Variants in C4orf51 observed in about 807,000 individuals in gnomAD.
C4orf51 encodes uncharacterized protein C4orf51.
In C4orf51, 25 loss-of-function variants were observed where a neutral mutation model predicts 25.2. The ratio of observed to expected loss-of-function variants is 0.99; its 90% CI spans 0.72 to 1.39. The LOEUF (loss-of-function observed/expected upper bound fraction) is 1.39, where lower values mean the gene tolerates loss of function less well. C4orf51 is among the 40% of genes most tolerant of loss of function. The probability of loss-of-function intolerance (pLI) is 0.00; values close to 1 mark genes in which losing one functional copy is unlikely to be tolerated. For missense variants in C4orf51, 252 were observed against 239.6 expected, an observed-to-expected ratio of 1.05 and a Z score of -0.34; for synonymous variants, 100 against 84.5, an observed-to-expected ratio of 1.18 and a Z score of -1.01.
intron 1 of C4orf51, among the ~76,000 whole-genome samples, chr4:145,751,074 C>A (rs953504758): frequency 2.0e-5 from 3 of 152,046 alleles, no homozygotes; most frequent in African/African-American, 7.2e-5. Context: ...TCTGAGTTTC[C>A]TCAAAACAAC....
intron 3 of C4orf51, among the ~76,000 whole-genome samples, chr4:145,728,525 A>G (rs1732241743): frequency 2.0e-5 from 3 of 152,200 alleles, no homozygotes; most frequent in South Asian, 4.1e-4. Context: ...ATACTGAACC[A>G]TTGTTCCTAA....
In C4orf51 at chr4:145,763,099, T is replaced by A; in HGVS notation, n.167-7889T>A. Reference sequence around the variant, plus strand: ...CCAAGCTGGGCCTTACCTAGAGGAGTCTGAAACTCACCACTGTCCTGAGCT... The same window carrying A: ...CCAAGCTGGGCCTTACCTAGAGGAGACTGAAACTCACCACTGTCCTGAGCT... On this transcript the variant is annotated intron_variant and non_coding_transcript_variant, in intron 1 of 1. Transcript: ENST00000510096. The surrounding 1 kb of genome is among the most constrained non-coding windows in gnomAD (Gnocchi z 4.6). The A allele has an allele frequency of 1.3e-6, 2 of 1,535,876 alleles. No individual in the cohort carries two copies. Among genetic ancestry groups the A allele is most frequent in the Non-Finnish European group, 1.7e-6 (2 of 1,146,832 alleles).
intron 4 of C4orf51, among the ~76,000 whole-genome samples, chr4:145,729,509 G>T (rs539673862): frequency 1.3e-5 from 2 of 152,006 alleles, no homozygotes; most frequent in African/African-American, 4.8e-5. Flanking sequence ...CACCGTGTTA[G>T]CCAGGATGGT....
Position 145,765,083 on chromosome 4 carries a change from C to T in C4orf51, n.167-5905C>T. On this transcript the variant is annotated intron_variant and non_coding_transcript_variant, in intron 1 of 1. Coordinates refer to the C4orf51 transcript ENST00000510096. The surrounding 1 kb of genome is among the most constrained non-coding windows in gnomAD (Gnocchi z 4.7). Reference sequence around the variant, plus strand: ...TGTGGCACACATCACACTCAAACATCCGGGTGATGAGGTGTATCTGCAGAT... The same window carrying T: ...TGTGGCACACATCACACTCAAACATTCGGGTGATGAGGTGTATCTGCAGAT... 10 of 1,614,230 alleles carry T rather than the reference C, an allele frequency of 6.2e-6. No individual in the cohort carries two copies. Among genetic ancestry groups the T allele is most frequent in the Non-Finnish European group, 8.5e-6 (10 of 1,180,052 alleles).
Position 145,763,672 on chromosome 4 carries a change from T to C in C4orf51, n.167-7316T>C, listed in dbSNP as rs1734854425. 6.6e-6 allele frequency among the ~76,000 whole-genome samples: 1 copy of C among 152,236 alleles called. No homozygotes were observed. Among genetic ancestry groups the C allele is most frequent in the Admixed American group, 6.5e-5 (1 of 15,290 alleles). On this transcript the variant is annotated intron_variant and non_coding_transcript_variant, in intron 1 of 1. Coordinates refer to the C4orf51 transcript ENST00000510096. This position sits in a 1 kb window ranked among gnomAD's most constrained non-coding sequence, Gnocchi z 4.6. ...GGCTACTGGGAAGGGCAGTGAGCACTGGTCCAACCACAGAAAAACATGGTT... is the reference window on the plus strand; with the variant it reads ...GGCTACTGGGAAGGGCAGTGAGCACCGGTCCAACCACAGAAAAACATGGTT...
chr4:145,754,471 TGGAG>T (rs1225866645), downstream of C4orf51: 1 of 152,220 alleles, frequency 6.6e-6, no homozygotes, highest in Non-Finnish European at 1.5e-5. Flanking sequence ...GGATGGGAAA[TGGAG>T]GGAGCAGAGT....
chr4:145,758,453 C>T (rs1374828580), downstream of C4orf51: 2 of 152,208 alleles, frequency 1.3e-5, no homozygotes, highest in Non-Finnish European at 2.9e-5. Context: ...GTGTGATTCG[C>T]CTTTTCTACC....
intron 1 of C4orf51, among the ~76,000 whole-genome samples, chr4:145,742,855 A>G (rs921164415): frequency 3.3e-5 from 5 of 152,170 alleles, no homozygotes; most frequent in African/African-American, 1.2e-4. Flanking sequence ...ATTTTCTTCT[A>G]GACAGGAAAC....
chr4:145,763,163 T>G lies in C4orf51; in HGVS notation n.167-7825T>G, dbSNP rs1298540504. 6.5e-7 allele frequency: 1 copy of G among 1,533,466 alleles called. No homozygotes were observed. Among genetic ancestry groups the G allele is most frequent in the Non-Finnish European group, 8.7e-7 (1 of 1,144,810 alleles). The allele number at this position is 1,533,466 out of a possible 1,614,324, so 95.0% of individuals were successfully genotyped here. On this transcript the variant is annotated intron_variant and non_coding_transcript_variant, in intron 1 of 1. Coordinates refer to the C4orf51 transcript ENST00000510096. The surrounding 1 kb of genome is among the most constrained non-coding windows in gnomAD (Gnocchi z 4.6). Reference sequence around the variant, plus strand: ...AATAATAGTATAATCTTATTTGATCTGCATTATGAACAGGATATAGAGTAC... The same window carrying G: ...AATAATAGTATAATCTTATTTGATCGGCATTATGAACAGGATATAGAGTAC...
intron 1 of C4orf51, among the ~76,000 whole-genome samples, chr4:145,748,144 C>T (rs903107057): frequency 4.0e-5 from 6 of 151,742 alleles, no homozygotes; most frequent in Non-Finnish European, 7.4e-5. Context: ...GAACTTTATC[C>T]ATTTCTTCTG....
intron 1 of C4orf51, among the ~76,000 whole-genome samples, chr4:145,746,273 A>C (rs1033037694): frequency 2.6e-5 from 4 of 152,036 alleles, no homozygotes; most frequent in Non-Finnish European, 5.9e-5. Context: ...GTGGGGTATA[A>C]CTCAAGAAAT....
chr4:145,766,462 C>T (rs1036413483), intron 1 of C4orf51, among the ~76,000 whole-genome samples: 4 of 152,104 alleles, frequency 2.6e-5, no homozygotes, highest in African/African-American at 9.7e-5. Flanking sequence ...AAGAGGTGAG[C>T]CATATGACTG....
chr4:145,774,538 T>G, downstream of C4orf51: 1 of 1,612,086 alleles, frequency 6.2e-7, no homozygotes, highest in Non-Finnish European at 8.5e-7. Flanking sequence ...AGTCTTTATC[T>G]CTGCTTCCTC....
chr4:145,783,335 G>C, the C4orf51 span, among the ~76,000 whole-genome samples: 3 of 152,338 alleles, frequency 2.0e-5, no homozygotes, highest in South Asian at 2.1e-4. Context: ...TAATAATTTA[G>C]TAGCATTCAT....
chr4:145,694,374 G>T (rs1729888918), intron 1 of C4orf51, among the ~76,000 whole-genome samples: 1 of 148,326 alleles, frequency 6.7e-6, no homozygotes, highest in Non-Finnish European at 1.5e-5. Flanking sequence ...AGGGAGGTGG[G>T]GGGGTCAGCC....
At chr4:145,754,861 G>A (rs1229667678), downstream of C4orf51, among the ~76,000 whole-genome samples, 2 of 152,260 alleles carry the variant, frequency 1.3e-5, no homozygotes, top group African/African-American at 4.8e-5. Flanking sequence ...GCTTGAACCT[G>A]GGAGGTGGAG....
intron 2 of C4orf51, among the ~76,000 whole-genome samples, chr4:145,718,598 C>G (rs1251844420): frequency 6.6e-6 from 1 of 152,246 alleles, no homozygotes; most frequent in Non-Finnish European, 1.5e-5. Flanking sequence ...ACAATCTATT[C>G]TCCACAGAGG....
chr4:145,777,322 C>A, the C4orf51 span, among the ~76,000 whole-genome samples: 28 of 152,152 alleles, frequency 1.8e-4, no homozygotes, highest in Admixed American at 6.5e-4. Context: ...AACTGTGGAG[C>A]TTTTTAAATC....
downstream of C4orf51, among the ~76,000 whole-genome samples, chr4:145,733,315 T>A (rs544128976): frequency 2.1e-4 from 32 of 152,054 alleles, no homozygotes; most frequent in Non-Finnish European, 2.9e-4. Context: ...ACCCTCCTCC[T>A]GCTGATTCCC....
Sources: allele counts gnomAD v4.1 joint callset (sites outside exome capture counted in the v4.1 genomes callset), GRCh38; gene constraint gnomAD v4.1.1; non-coding constraint Gnocchi (gnomAD v3.1); transcripts MANE v1.5; gene names NCBI Gene and HGNC (gene_info 2026-07-23, HGNC 2026-07-21).